AKNA: variants seen among roughly 807,000 people sequenced by gnomAD.
AKNA encodes microtubule organization protein AKNA.
In AKNA, 67 loss-of-function variants were observed where a neutral mutation model predicts 138.8. The observed-to-expected ratio is 0.48, with a 90% CI of 0.40 to 0.59. The LOEUF (loss-of-function observed/expected upper bound fraction) is 0.59. Ranked by LOEUF, AKNA falls within the 20% of genes least tolerant of loss-of-function variation. The pLI is 0.00. For synonymous variants in AKNA, 737 were observed against 754.4 expected, an observed-to-expected ratio of 0.98 and a Z score of 0.38; for missense variants, 1,813 against 1,880.4, an observed-to-expected ratio of 0.96 and a Z score of 0.66.
chr9:114,363,035 A>G (rs1832087751), intron 7 of AKNA, among the ~76,000 whole-genome samples: 1 of 152,258 alleles, frequency 6.6e-6, no homozygotes, highest in Non-Finnish European at 1.5e-5. Flanking sequence ...TTTACTGAGC[A>G]TTGAGGCTCT....
Position 114,355,906 on chromosome 9 carries a change from G to A in AKNA, c.3058+19C>T. ...TTTCAACCCATGCAGTTCTGTCCAA[G>A]TCAGACTCCTGCACTCACCCATCTC... On this transcript the variant is annotated intron_variant, in intron 14 of 21. Transcript: ENST00000374088. The A allele has an allele frequency of 6.2e-7, 1 of 1,613,238 alleles. No homozygotes were observed. The highest frequency in any genetic ancestry group is 8.5e-7 in the Non-Finnish European group (1 of 1,179,388).
chr9:114,348,338 G>A (rs1830844529), intron 15 of AKNA, among the ~76,000 whole-genome samples: 1 of 152,202 alleles, frequency 6.6e-6, no homozygotes, highest in Non-Finnish European at 1.5e-5. Context: ...GAAGATGCTT[G>A]TCCACCATCT....
rs774951126 is a variant in AKNA, at chr9:114,337,227, T to C, written c.4147A>G (p.Arg1383Gly). ...PPTASPPPAR[R>G]HRHSIQLDLG... ...TCGAGCTGGATGGAGTGCCGGTGTC[T>C]CCGGGCTGGTGGGGGAGAGGCTGTG... is the stretch of plus-strand genomic sequence containing the variant. The change falls in exon 22 of 22, where the codon AGA becomes GGA. Residue 1383 changes from arginine to glycine, a missense_variant. Arg to Gly is a moderately radical substitution (Grantham distance 125, BLOSUM62 -2). Coordinates refer to ENST00000374088, the MANE Select transcript of AKNA (RefSeq NM_001317950.2). 6.3e-6 allele frequency: 10 copies of C among 1,578,200 alleles called. No homozygotes were observed. The South Asian group carries it at 9.1e-5, about 14-fold the overall frequency.
At chr9:114,379,554 G>A (rs921942196) in intron 2 of AKNA, among the ~76,000 whole-genome samples, 4 of 152,166 alleles carry the variant, frequency 2.6e-5, no homozygotes, top group African/African-American at 9.6e-5. Context: ...TTGAGTAATG[G>A]CACAATCCAC....
At chr9:114,385,927 T>C (rs1446118870) in intron 1 of AKNA, among the ~76,000 whole-genome samples, 2 of 152,230 alleles carry the variant, frequency 1.3e-5, no homozygotes, top group South Asian at 2.1e-4. Context: ...TCACTGTGTA[T>C]AGCTGGGCTT....
At chr9:114,344,590 G>A (rs773929152) in intron 18 of AKNA, 4 of 152,132 alleles carry the variant, frequency 2.6e-5, no homozygotes, top group African/African-American at 4.8e-5. Flanking sequence ...TTTTCCCGAC[G>A]CGACAGATGA....
chr9:114,370,516 G>C (rs553748039), intron 4 of AKNA, among the ~76,000 whole-genome samples: 4 of 152,196 alleles, frequency 2.6e-5, no homozygotes, highest in Non-Finnish European at 5.9e-5. Context: ...CAGGCAGAGC[G>C]ATGAGGTGGG....
At chr9:114,366,082 C>G (rs1243808076) in intron 6 of AKNA, among the ~76,000 whole-genome samples, 2 of 152,126 alleles carry the variant, frequency 1.3e-5, no homozygotes, top group African/African-American at 4.8e-5. Flanking sequence ...AGCTCAAGAC[C>G]AGCCTGGCCA....
At chr9:114,362,699 C>G (rs1832069169) in intron 7 of AKNA, among the ~76,000 whole-genome samples, 166 bp from the exon 8 acceptor site, 1 of 152,210 alleles carries the variant, frequency 6.6e-6, no homozygotes, top group Non-Finnish European at 1.5e-5. Context: ...GCTGCCTGCC[C>G]TGGAGAGCTG....
At position 114,337,209 on chromosome 9, in the gene AKNA, G is replaced by C. The variant is rs770972124; in HGVS notation, c.4165C>G (p.Gln1389Glu). The part of the protein sequence containing the change: ...PPARRHRHSI[Q>E]LDLGDLEELN... ...TCCTCTAGGTCGCCCAGGTCGAGCT[G>C]GATGGAGTGCCGGTGTCTCCGGGCT... The change falls in exon 22 of 22, where the codon CAG becomes GAG. Residue 1389 changes from glutamine (Q) to glutamate (E), a missense_variant. Gln to Glu is a conservative substitution (Grantham distance 29). Coordinates refer to ENST00000374088, the MANE Select transcript of AKNA (RefSeq NM_001317950.2). 12 of 1,592,452 alleles carry C rather than the reference G, an allele frequency of 7.5e-6. No individual in the cohort carries two copies. The South Asian group carries it at 1.3e-4, about 18-fold the overall frequency.
At chr9:114,382,071 A>G (rs145336798) in intron 1 of AKNA, among the ~76,000 whole-genome samples, 1 of 152,298 alleles carries the variant, frequency 6.6e-6, no homozygotes, top group Non-Finnish European at 1.5e-5. Context: ...TCGTGTGGGC[A>G]TGGGGCACAG....
downstream of AKNA, chr9:114,330,572 A>T (rs1487278861): frequency 6.2e-6 from 10 of 1,612,752 alleles, no homozygotes; most frequent in Middle Eastern, 1.6e-4. Context: ...AGAGTACCAG[A>T]CCCGGTGAGA....
chr9:114,397,502 T>A (rs1834568785), upstream of AKNA, among the ~76,000 whole-genome samples: 1 of 152,226 alleles, frequency 6.6e-6, no homozygotes, highest in Admixed American at 6.5e-5. Flanking sequence ...CCCAGGTTTG[T>A]TATCAGCAAT....
rs773105528 is a variant in AKNA at position 114,359,715 on chromosome 9, C to G, written c.2371G>C (p.Gly791Arg). Residue 791 changes from glycine to arginine, a missense_variant, in exon 11 of 22, where the codon GGG (glycine) becomes CGG (arginine). Coordinates refer to ENST00000374088, the MANE Select transcript of AKNA (RefSeq NM_001317950.2). ...EEGEEEEEEEGGGDSLEVDGV... is the reference protein window; with the variant it reads ...EEGEEEEEEERGGDSLEVDGV... The stretch of plus-strand genomic sequence containing the variant: ...TCAACTTCCAGGGAGTCACCTCCCC[C>G]CTCTTCCTCCTCCTCCTCCTCTCCT... 44 of 1,609,968 alleles carry G rather than the reference C, an allele frequency of 2.7e-5. No individual in the cohort carries two copies. Among genetic ancestry groups the G allele is most frequent in the Non-Finnish European group, 3.2e-5 (38 of 1,177,872 alleles).
At position 114,364,551 on chromosome 9, in the gene AKNA, G is replaced by A. The variant is rs1254920166; in HGVS notation, c.1788+9C>T. 2 of 1,613,666 alleles carry A rather than the reference G, an allele frequency of 1.2e-6. No homozygotes were observed. The highest frequency in any genetic ancestry group is 1.1e-5 in the South Asian group (1 of 91,064). Reference sequence around the variant, plus strand: ...CAGTTCCATGGGTGGCTCCTGAATTGGGCAGTACCTTGACTTGGTCCTGGG... The same window carrying A: ...CAGTTCCATGGGTGGCTCCTGAATTAGGCAGTACCTTGACTTGGTCCTGGG... On this transcript the variant is annotated intron_variant, in intron 7 of 21. Coordinates refer to ENST00000374088, the MANE Select transcript of AKNA (RefSeq NM_001317950.2).
At chr9:114,375,263 ACT>A (rs1331466765) in intron 3 of AKNA, among the ~76,000 whole-genome samples, 1 of 152,202 alleles carries the variant, frequency 6.6e-6, no homozygotes, top group African/African-American at 2.4e-5. Context: ...ACTGCGGACG[ACT>A]CTGCAGGACA....
intron 4 of AKNA, 21 bp from the exon 5 acceptor site, chr9:114,368,616 A>G: frequency 7.4e-7 from 1 of 1,354,586 alleles, no homozygotes; most frequent in Non-Finnish European, 9.6e-7. Flanking sequence ...AGGGAGGCAC[A>G]GCACAGCCAA....
At position 114,359,793 on chromosome 9, in the gene AKNA, A is replaced by G. The variant is rs1243690538; in HGVS notation, c.2293T>C (p.Tyr765His). 6.2e-7 allele frequency: 1 copy of G among 1,600,468 alleles called. No individual in the cohort carries two copies. Residue 765 changes from tyrosine to histidine, a missense_variant and splice_region_variant, in exon 11 of 22, where the codon TAC becomes CAC. Tyr to His is a moderately conservative substitution (Grantham distance 83). Coordinates refer to ENST00000374088, the MANE Select transcript of AKNA (RefSeq NM_001317950.2). ...TCTGGGAGAGACTTCACACTGAGGT[A>G]CCTGCAGAAGAACACACAGAGGGGC... ...EQVYHGLMER[Y>H]LSVKSLPEAM...
At chr9:114,345,686 T>TGAAC (rs1233116331) in intron 18 of AKNA, 177 bp downstream of exon 18, 2 of 569,814 alleles carry the variant, frequency 3.5e-6, no homozygotes, top group African/African-American at 3.8e-5. Flanking sequence ...AATGAATGAA[T>TGAAC]GAACAAGTGC....
Sources: gnomAD v4.1 joint callset for allele counts (sites outside exome capture counted in the v4.1 genomes callset) on GRCh38, gnomAD v4.1.1 for gene constraint, MANE v1.5 for transcripts, NCBI Gene and HGNC (gene_info 2026-07-23, HGNC 2026-07-21) for gene names.